Variants in SPATS2L observed in about 807,000 individuals in gnomAD.
The protein encoded by SPATS2L is spermatogenesis associated serine rich 2 like.
In SPATS2L, 30 loss-of-function variants were observed where a neutral mutation model predicts 59.6. The ratio of observed to expected loss-of-function variants is 0.50; its 90% CI spans 0.38 to 0.68. The LOEUF (loss-of-function observed/expected upper bound fraction) is 0.68, where lower values mean the gene tolerates loss of function less well. Ranked by LOEUF, SPATS2L falls within the 30% of genes least tolerant of loss-of-function variation. The probability of loss-of-function intolerance (pLI) is 0.00; values close to 1 mark genes in which losing one functional copy is unlikely to be tolerated. For missense variants in SPATS2L, 615 were observed against 700.0 expected (o/e 0.88, Z 1.37); for synonymous variants, 252 against 263.5 (o/e 0.96, Z 0.42).
At position 200,320,116 on chromosome 2, in the gene SPATS2L, G is replaced by C. The variant is rs181346389; in HGVS notation, c.-72-9315G>C. 2.9e-3 allele frequency among the ~76,000 whole-genome samples: 439 copies of C among 152,062 alleles called. 1 individual carries two copies. The highest frequency in any genetic ancestry group is 0.01 in the African/African-American group (423 of 41,476). On this transcript the variant is annotated intron_variant, in intron 1 of 12. Coordinates refer to ENST00000409140, the MANE Select transcript of SPATS2L (RefSeq NM_001100423.2). ...GTATGTGAATTTTTTTTTTAAACTAGCTTGACAGTCTTTCACTTGTTTACT... is the reference window on the plus strand; with the variant it reads ...GTATGTGAATTTTTTTTTTAAACTACCTTGACAGTCTTTCACTTGTTTACT...
At position 200,412,311 on chromosome 2, in the gene SPATS2L, A is replaced by G; in HGVS notation, c.40A>G (p.Ile14Val). The change falls in exon 4 of 13, where the codon ATC becomes GTC. Residue 14 changes from isoleucine (I) to valine (V), a missense_variant and splice_region_variant. Physicochemically the swap from Ile to Val is conservative, Grantham distance 29 (BLOSUM62 3). Around this residue, in one of 3 missense-constraint regions of SPATS2L, gnomAD observed 227 missense variants for 257.4 expected, o/e 0.88. Transcript: ENST00000409140. ...TTCTTTTTTTTTTTTTCCTTTACAG[A>G]TCTATGCAGTTAGATCAGTTGTTCC... is the stretch of plus-strand genomic sequence containing the variant. ...LNTHVNVKEK[I>V]YAVRSVVPNK... 6.6e-7 allele frequency: 1 copy of G among 1,507,198 alleles called. No homozygotes were observed. Among genetic ancestry groups the G allele is most frequent in the Non-Finnish European group, 9.0e-7 (1 of 1,105,106 alleles). 93.4% of individuals were successfully genotyped at this position (1,507,198 alleles called of 1,614,324 possible). A position where few individuals can be genotyped will look rare whatever the true frequency, so the allele number is the denominator to read the frequency against.
intron 1 of SPATS2L, among the ~76,000 whole-genome samples, chr2:200,320,573 C>T (rs977217829): frequency 6.6e-6 from 1 of 152,196 alleles, no homozygotes; most frequent in African/African-American, 2.4e-5. Flanking sequence ...GAGGCATGTC[C>T]TAACAGTGTG....
At chr2:200,341,691 A>T (rs1454044812) in intron 2 of SPATS2L, among the ~76,000 whole-genome samples, 1 of 141,052 alleles carries the variant, frequency 7.1e-6, no homozygotes, top group African/African-American at 2.6e-5. Context: ...ATTAACTATA[A>T]TTTTTTTTTT....
rs1053428573 is a variant in SPATS2L at position 200,309,370 on chromosome 2, A to G, written c.-73+2448A>G. ...TGCTCTTCGTAAGATCTAAGCTGCT[A>G]CTACCTGTCCCACTGTATGACAAGA... On this transcript the variant is annotated intron_variant, in intron 1 of 12. Coordinates refer to ENST00000409140, the MANE Select transcript of SPATS2L (RefSeq NM_001100423.2). Among the ~76,000 whole-genome samples the G allele has an allele frequency of 3.9e-5, 6 of 152,364 alleles. No homozygotes were observed. In the East Asian group the frequency reaches 5.8e-4, roughly 15 times the overall value.
At chr2:200,378,320 G>T in intron 2 of SPATS2L, 1 of 1,002,498 alleles carries the variant, frequency 1.0e-6, no homozygotes, top group Non-Finnish European at 1.2e-6. Context: ...AAAGCCAGTC[G>T]CTGGAAACTG....
At chr2:200,408,603 G>C (rs1010983126) in intron 3 of SPATS2L, among the ~76,000 whole-genome samples, 7 of 152,228 alleles carry the variant, frequency 4.6e-5, no homozygotes, top group Non-Finnish European at 1.0e-4. Context: ...TCACAGACAG[G>C]CTCAAAAGAT....
rs987279235 is a variant in SPATS2L at position 200,332,409 on chromosome 2, T to C, written c.-23+2929T>C. The stretch of plus-strand genomic sequence containing the variant: ...ACAGGTGCATGCCACCACAACTGGC[T>C]ATTTTTTTTATTTTTTATAGAGATA... On this transcript the variant is annotated intron_variant, in intron 2 of 12. Coordinates refer to ENST00000409140, the MANE Select transcript of SPATS2L (RefSeq NM_001100423.2). 5.9e-5 allele frequency among the ~76,000 whole-genome samples: 9 copies of C among 152,200 alleles called. No individual in the cohort carries two copies. The South Asian group carries it at 6.2e-4, about 11-fold the overall frequency.
intron 1 of SPATS2L, among the ~76,000 whole-genome samples, chr2:200,319,551 C>T (rs866744595): frequency 5.2e-5 from 6 of 115,958 alleles, no homozygotes; most frequent in South Asian, 3.0e-4. Flanking sequence ...GGTGACAGAG[C>T]GAGACCCCAC....
At chr2:200,311,462 A>G (rs992861262) in intron 1 of SPATS2L, among the ~76,000 whole-genome samples, 1 of 152,232 alleles carries the variant, frequency 6.6e-6, no homozygotes, top group Non-Finnish European at 1.5e-5. Flanking sequence ...CAAAAAAAGC[A>G]TTGAGGCTTT....
chr2:200,443,185 C>G (rs1371100405), intron 8 of SPATS2L, among the ~76,000 whole-genome samples: 1 of 152,128 alleles, frequency 6.6e-6, no homozygotes. Context: ...GCTTGCAGCC[C>G]AGCAAACATG....
chr2:200,457,935 A>C (rs1015965161), intron 8 of SPATS2L, among the ~76,000 whole-genome samples: 1 of 152,262 alleles, frequency 6.6e-6, no homozygotes, highest in Non-Finnish European at 1.5e-5. Flanking sequence ...GAGAAGAAAA[A>C]GTCCATGTGA....
At chr2:200,421,184 G>T (rs912780302) in intron 6 of SPATS2L, among the ~76,000 whole-genome samples, 1 of 152,196 alleles carries the variant, frequency 6.6e-6, no homozygotes, top group African/African-American at 2.4e-5. Context: ...AGGTTCACTG[G>T]TGAGTTTAAG....
At chr2:200,371,233 C>T (rs1042465731) in intron 2 of SPATS2L, among the ~76,000 whole-genome samples, 40 of 151,550 alleles carry the variant, frequency 2.6e-4, no homozygotes, top group African/African-American at 9.5e-4. Flanking sequence ...ATGTCTTATC[C>T]ACAAATTAAT....
At chr2:200,360,568 AGGAAGGGG>A (rs2081062438) in intron 2 of SPATS2L, among the ~76,000 whole-genome samples, 1 of 152,106 alleles carries the variant, frequency 6.6e-6, no homozygotes, top group Non-Finnish European at 1.5e-5. Flanking sequence ...GAGTGGGGAG[AGGAAGGGG>A]GGTTACCCTG....
At chr2:200,446,608 T>C (rs1490733852) in intron 8 of SPATS2L, among the ~76,000 whole-genome samples, 3 of 152,152 alleles carry the variant, frequency 2.0e-5, no homozygotes, top group African/African-American at 7.2e-5. Context: ...AAAATGTCTG[T>C]AGTGCTGGGA....
chr2:200,352,251 T>G, intron 2 of SPATS2L, among the ~76,000 whole-genome samples: 1 of 147,552 alleles, frequency 6.8e-6, no homozygotes, highest in Non-Finnish European at 1.5e-5. Context: ...ATAAAATGAG[T>G]TTTTGCAGCT....
At chr2:200,447,251 G>A (rs1574589389) in intron 8 of SPATS2L, among the ~76,000 whole-genome samples, 2 of 152,108 alleles carry the variant, frequency 1.3e-5, no homozygotes, top group Non-Finnish European at 2.9e-5. Context: ...CTTCAGCCAG[G>A]GAGCAATATT....
intron 2 of SPATS2L, among the ~76,000 whole-genome samples, chr2:200,380,454 A>G (rs1259122988): frequency 6.6e-6 from 1 of 152,222 alleles, no homozygotes; most frequent in Non-Finnish European, 1.5e-5. Context: ...AGGTTCTCCC[A>G]TGAAGGTCTC....
intron 11 of SPATS2L, among the ~76,000 whole-genome samples, chr2:200,471,436 G>C (rs1214022045): frequency 6.6e-6 from 1 of 151,938 alleles, no homozygotes; most frequent in Non-Finnish European, 1.5e-5. Context: ...ATCTCGGGGC[G>C]ATGGAGAGGT....
Sources: gnomAD v4.1 joint callset for allele counts (sites outside exome capture counted in the v4.1 genomes callset) on GRCh38, gnomAD v4.1.1 for gene constraint, gnomAD v4.1.1 regional missense constraint, MANE v1.5 for transcripts, NCBI Gene and HGNC (gene_info 2026-07-23, HGNC 2026-07-21) for gene names.